The following ADAM18 variants were observed in gnomAD, a reference collection of about 807,000 sequenced individuals.
ADAM18 encodes the protein ADAM metallopeptidase domain 18.
A neutral mutation model predicts 94.4 loss-of-function variants in ADAM18; 117 were observed. That is an observed-to-expected ratio of 1.24 (90% CI 1.07 to 1.45). The LOEUF (loss-of-function observed/expected upper bound fraction) is 1.45. Among genes scored for constraint, ADAM18 ranks in the 40% most tolerant of loss-of-function variants. ADAM18 has a pLI of 0.00. For synonymous variants in ADAM18, 327 were observed against 291.6 expected (o/e 1.12, Z -1.24); for missense variants, 936 against 880.0 (o/e 1.06, Z -0.81).
chr8:39,714,232 T>G (rs1019723966), intron 18 of ADAM18, among the ~76,000 whole-genome samples: 1 of 152,098 alleles, frequency 6.6e-6, no homozygotes, highest in Non-Finnish European at 1.5e-5. Context: ...AGGTGGGAAG[T>G]GAACAATGAG....
At chr8:39,670,640 A>G (rs557506576) in intron 14 of ADAM18, among the ~76,000 whole-genome samples, 118 of 152,372 alleles carry the variant, frequency 7.7e-4, no homozygotes, top group Non-Finnish European at 1.3e-3. Flanking sequence ...TATTGTACTC[A>G]TGGAGCTTAA....
At chr8:39,687,136 T>C (rs1352044122) in intron 16 of ADAM18, among the ~76,000 whole-genome samples, 3 of 152,238 alleles carry the variant, frequency 2.0e-5, no homozygotes, top group East Asian at 1.9e-4. Flanking sequence ...CACATGCCCA[T>C]GTGGCCTTTT....
chr8:39,611,008 T>C, intron 6 of ADAM18: 2 of 1,125,552 alleles, frequency 1.8e-6, no homozygotes, highest in South Asian at 8.2e-5. Context: ...AGTACCTTGG[T>C]AAAATTACTT....
intron 18 of ADAM18, among the ~76,000 whole-genome samples, chr8:39,707,296 T>C (rs1023925414): frequency 6.6e-6 from 1 of 152,214 alleles, no homozygotes; most frequent in East Asian, 1.9e-4. Context: ...TTTTCTGTTT[T>C]TCAGTCCAAA....
At chr8:39,667,904 A>G (rs1028745113) in intron 13 of ADAM18, 94 bp from the exon 14 acceptor site, 2 of 1,302,902 alleles carry the variant, frequency 1.5e-6, no homozygotes, top group Non-Finnish European at 2.1e-6. Flanking sequence ...TCAAATATCA[A>G]TAATTAGAAA....
chr8:39,584,706 C>G, intron 1 of ADAM18, 29 bp downstream of exon 1: 1 of 1,609,248 alleles, frequency 6.2e-7, no homozygotes, highest in Non-Finnish European at 8.5e-7. Flanking sequence ...CCCCTTTCTT[C>G]TTCGACTTTA....
intron 2 of ADAM18, among the ~76,000 whole-genome samples, chr8:39,603,010 G>A (rs1012187869): frequency 6.6e-6 from 1 of 152,094 alleles, no homozygotes; most frequent in African/African-American, 2.4e-5. Flanking sequence ...TCATCTTTTT[G>A]CATGTGGACA....
chr8:39,728,874 T>A (rs1822996524), intron 19 of ADAM18, among the ~76,000 whole-genome samples: 1 of 152,192 alleles, frequency 6.6e-6, no homozygotes, highest in African/African-American at 2.4e-5. Context: ...AAGGACAACT[T>A]AAGCATGTCT....
chr8:39,628,188 T>C (rs1245583305), intron 6 of ADAM18, among the ~76,000 whole-genome samples: 1 of 151,976 alleles, frequency 6.6e-6, no homozygotes, highest in East Asian at 1.9e-4. Flanking sequence ...AGTTGTATGG[T>C]CATGCAATAG....
intron 18 of ADAM18, among the ~76,000 whole-genome samples, chr8:39,719,469 T>G (rs1373733692): frequency 1.3e-5 from 2 of 151,158 alleles, no homozygotes; most frequent in Non-Finnish European, 3.0e-5. Context: ...TTGGACAACA[T>G]AAAAAAATTA....
intron 14 of ADAM18, 151 bp downstream of exon 14, chr8:39,668,347 G>C: frequency 1.4e-6 from 1 of 708,884 alleles, no homozygotes. Context: ...TTTTTTAAGA[G>C]TATCTGAGGT....
At chr8:39,612,917 C>T (rs1415645162) in intron 6 of ADAM18, among the ~76,000 whole-genome samples, 1 of 152,220 alleles carries the variant, frequency 6.6e-6, no homozygotes, top group Middle Eastern at 3.4e-3. Context: ...TCACCCATAG[C>T]CTCCCCCATT....
At chr8:39,679,765 C>T (rs1349545) in intron 15 of ADAM18, among the ~76,000 whole-genome samples, 94,847 of 152,020 alleles carry the variant, frequency 0.62, 31,930 homozygotes, top group Non-Finnish European at 0.76. Flanking sequence ...AAAATATGAA[C>T]GGTCTAAGAC....
intron 7 of ADAM18, among the ~76,000 whole-genome samples, chr8:39,637,063 A>G (rs1049754745): frequency 7.3e-6 from 1 of 136,742 alleles, no homozygotes; most frequent in South Asian, 2.2e-4. Context: ...ATATATATAT[A>G]TATGTATATA....
At chr8:39,686,406 G>A (rs1821606346) in intron 16 of ADAM18, among the ~76,000 whole-genome samples, 1 of 152,100 alleles carries the variant, frequency 6.6e-6, no homozygotes, top group Non-Finnish European at 1.5e-5. Context: ...TTCAAAGTTG[G>A]TACCTTACCG....
chr8:39,692,539 TG>T (rs1821811009), intron 16 of ADAM18, 60 bp from the exon 17 acceptor site: 2 of 1,007,084 alleles, frequency 2.0e-6, no homozygotes, highest in Non-Finnish European at 2.9e-6. Context: ...AAATCATTAA[TG>T]TTTTTTCTTG....
chr8:39,585,414 A>G, intron 2 of ADAM18, 62 bp downstream of exon 2: 1 of 1,194,828 alleles, frequency 8.4e-7, no homozygotes, highest in Non-Finnish European at 1.2e-6. Flanking sequence ...ATTTACCCTT[A>G]TATTAAGTCA....
chr8:39,590,597 TAAAATAAAA>T (rs1204286319), intron 2 of ADAM18, among the ~76,000 whole-genome samples: 5 of 152,186 alleles, frequency 3.3e-5, no homozygotes, highest in African/African-American at 1.2e-4. Context: ...AAAAATAAAA[TAAAATAAAA>T]AAAATAAAAT....
intron 14 of ADAM18, among the ~76,000 whole-genome samples, chr8:39,670,874 C>T (rs909583450): frequency 2.0e-5 from 3 of 152,210 alleles, no homozygotes; most frequent in African/African-American, 7.2e-5. Flanking sequence ...CAAGCCAGCA[C>T]ACATGCAATG....
Sources: gnomAD v4.1 joint callset for allele counts (sites outside exome capture counted in the v4.1 genomes callset) on GRCh38, gnomAD v4.1.1 for gene constraint, MANE v1.5 for transcripts, NCBI Gene and HGNC (gene_info 2026-07-23, HGNC 2026-07-21) for gene names.